MASP1: variants seen among roughly 807,000 people sequenced by gnomAD.
The protein encoded by MASP1 is MBL associated serine protease 1.
A neutral mutation model predicts 77.1 loss-of-function variants in MASP1; 59 were observed. That is an observed-to-expected ratio of 0.77 (90% CI 0.62 to 0.95). The LOEUF (loss-of-function observed/expected upper bound fraction) is 0.95, where lower values mean the gene tolerates loss of function less well. MASP1 is among the 40% of genes least tolerant of loss of function. The pLI, the probability that MASP1 is intolerant of heterozygous loss-of-function variation, is 0.00. For synonymous variants in MASP1, 362 were observed against 354.5 expected, an observed-to-expected ratio of 1.02 and a Z score of -0.24; for missense variants, 885 against 912.9, an observed-to-expected ratio of 0.97 and a Z score of 0.39.
rs1187960123 is a variant in MASP1 at position 187,234,992 on chromosome 3, C to T, written c.*692G>A. On this transcript the variant is annotated 3_prime_UTR_variant, in exon 11 of 11. Transcript: ENST00000296280. ...GTGGGCCTCCCACGGCTATTCTGCTCCCAGCAGTCAGCACAAACCTTCCCA... is the reference window on the plus strand; with the variant it reads ...GTGGGCCTCCCACGGCTATTCTGCTTCCAGCAGTCAGCACAAACCTTCCCA... The T allele has an allele frequency of 3.1e-6, 4 of 1,287,254 alleles. No homozygotes were observed. Among genetic ancestry groups the T allele is most frequent in the Admixed American group, 2.3e-5 (1 of 43,570 alleles). 79.7% of individuals were successfully genotyped at this position (1,287,254 alleles called of 1,614,324 possible). A position where few individuals can be genotyped will look rare whatever the true frequency, so the allele number is the denominator to read the frequency against.
At chr3:187,228,047 A>G (rs1712537649) in intron 11 of MASP1, among the ~76,000 whole-genome samples, 1 of 152,230 alleles carries the variant, frequency 6.6e-6, no homozygotes, top group Non-Finnish European at 1.5e-5. Flanking sequence ...AGGGCATTCC[A>G]GCTTGGCCGA....
chr3:187,226,011 C>T (rs1712405806), intron 12 of MASP1, among the ~76,000 whole-genome samples: 1 of 152,178 alleles, frequency 6.6e-6, no homozygotes, highest in East Asian at 1.9e-4. Flanking sequence ...GTCCTTAGAT[C>T]CTGGCATAAT....
At chr3:187,253,096 T>G (rs1579518946) in intron 6 of MASP1, 72 bp downstream of exon 6, 1 of 1,600,234 alleles carries the variant, frequency 6.2e-7, no homozygotes. Context: ...CCTGCACACC[T>G]CCTCCCTCAG....
At chr3:187,271,157 T>C (rs144711016) in intron 2 of MASP1, among the ~76,000 whole-genome samples, 4 of 152,324 alleles carry the variant, frequency 2.6e-5, no homozygotes, top group East Asian at 3.9e-4. Flanking sequence ...GTCTAACTTA[T>C]TATCTTTTTA....
intron 14 of MASP1, among the ~76,000 whole-genome samples, chr3:187,221,544 ACT>A (rs2108498300): frequency 6.6e-6 from 1 of 152,272 alleles, no homozygotes; most frequent in African/African-American, 2.4e-5. Context: ...TGTTTTTCAG[ACT>A]CTGAGACCCT....
intron 2 of MASP1, among the ~76,000 whole-genome samples, chr3:187,271,776 A>G (rs540012377): frequency 3.3e-5 from 5 of 152,176 alleles, no homozygotes; most frequent in Non-Finnish European, 7.4e-5. Flanking sequence ...CAGGAAGGGC[A>G]ACTTAACTAG....
At chr3:187,247,459 A>G (rs1714193287) in intron 8 of MASP1, 2 of 1,551,132 alleles carry the variant, frequency 1.3e-6, no homozygotes, top group Non-Finnish European at 1.8e-6. Context: ...AGAGAAAGAG[A>G]GAGAGATTAG....
At chr3:187,243,061 G>A (rs2108524795) in intron 9 of MASP1, 1 of 300,396 alleles carries the variant, frequency 3.3e-6, no homozygotes, top group Non-Finnish European at 6.4e-6. Flanking sequence ...GCAGAGTCTG[G>A]GTGAAGCAGT....
rs1325428197 is a variant in MASP1 at position 187,234,364 on chromosome 3, G to A, written c.*1320C>T. The A allele has an allele frequency of 1.6e-6, 2 of 1,287,156 alleles. No homozygotes were observed. Among genetic ancestry groups the A allele is most frequent in the African/African-American group, 3.0e-5 (2 of 65,806 alleles). The allele number at this position is 1,287,156 out of a possible 1,614,324, so 79.7% of individuals were successfully genotyped here. A position where few individuals can be genotyped will look rare whatever the true frequency, so the allele number is the denominator to read the frequency against. ...AAGGAGAACAATCAGCCCTGTGAGG[G>A]CCAGAGAGGCTGCTAGCAGTCAGGG... On this transcript the variant is annotated 3_prime_UTR_variant, in exon 11 of 11. Coordinates refer to ENST00000296280, the MANE Select transcript of MASP1 (RefSeq NM_139125.4).
intron 2 of MASP1, 60 bp downstream of exon 2, chr3:187,285,765 T>C (rs2108610817): frequency 7.5e-7 from 1 of 1,337,432 alleles, no homozygotes; most frequent in South Asian, 1.2e-5. Context: ...TAATTTCATA[T>C]TGCCTTGTCT....
At chr3:187,253,801 A>G (rs1194221629) in intron 5 of MASP1, among the ~76,000 whole-genome samples, 2 of 152,006 alleles carry the variant, frequency 1.3e-5, no homozygotes, top group African/African-American at 2.4e-5. Flanking sequence ...GAACACATGG[A>G]CACAGGGAGG....
In MASP1 at chr3:187,290,415, G is replaced by A. The variant is rs542737229; in HGVS notation, c.5+1213C>T. The stretch of plus-strand genomic sequence containing the variant: ...TATGGGCTGGGGCACTGAATGGTAG[G>A]GTGGGATTCAGACCAGATCATTGAC... On this transcript the variant is annotated intron_variant, in intron 1 of 10. Transcript: ENST00000296280. Among the ~76,000 whole-genome samples the A allele has an allele frequency of 3.3e-5, 5 of 152,272 alleles. No individual in the cohort carries two copies. The East Asian group carries it at 9.7e-4, about 29-fold the overall frequency.
At chr3:187,278,812 G>T (rs189464486) in intron 2 of MASP1, among the ~76,000 whole-genome samples, 2 of 151,982 alleles carry the variant, frequency 1.3e-5, no homozygotes, top group East Asian at 3.9e-4. Flanking sequence ...AGTATACTAC[G>T]CTCCACATAG....
At chr3:187,286,143 C>T in intron 1 of MASP1, 87 bp from the exon 2 acceptor site, 2 of 1,076,592 alleles carry the variant, frequency 1.9e-6, no homozygotes, top group Non-Finnish European at 2.8e-6. Flanking sequence ...AACAAGATCT[C>T]AGCATGTCTC....
downstream of MASP1, chr3:187,229,720 T>C: frequency 1.9e-6 from 3 of 1,611,168 alleles, no homozygotes; most frequent in Non-Finnish European, 2.5e-6. Flanking sequence ...AAGGAGGGGG[T>C]TCAGTTCCTT....
At chr3:187,259,814 C>T (rs1715405911) in intron 4 of MASP1, among the ~76,000 whole-genome samples, 1 of 152,284 alleles carries the variant, frequency 6.6e-6, no homozygotes, top group South Asian at 2.1e-4. Flanking sequence ...TTGTGCTCCC[C>T]CAGTGATCCC....
intron 5 of MASP1, 105 bp downstream of exon 5, chr3:187,256,559 G>T: frequency 9.8e-7 from 1 of 1,025,016 alleles, no homozygotes. Flanking sequence ...TAGCTGCTAG[G>T]CTCTCTATCC....
At position 187,236,425 on chromosome 3, in the gene MASP1, C is replaced by A. The variant is rs768885799; in HGVS notation, c.1446G>T (p.Gly482=). 6.8e-6 allele frequency: 11 copies of A among 1,614,096 alleles called. No individual in the cohort carries two copies. The Admixed American group carries it at 1.3e-4, about 20-fold the overall frequency. ...AGGACGCAGAGAGCAGGGCCCCACT[C>A]CCAAACCACTTGTCATTTGGCACTC... ...TSRVPNDKWF[G]SGALLSASWI... is the part of the protein sequence containing the mutation. Residue 482 remains glycine, a synonymous_variant, in exon 11 of 11, where the codon GGG becomes GGT. Transcript: ENST00000296280.
chr3:187,278,777 C>T (rs1687301397), intron 2 of MASP1, among the ~76,000 whole-genome samples: 2 of 152,188 alleles, frequency 1.3e-5, no homozygotes, highest in South Asian at 4.1e-4. Context: ...CCATAGCTGT[C>T]CAGGAGGCCT....
Sources: allele counts gnomAD v4.1 joint callset (sites outside exome capture counted in the v4.1 genomes callset), GRCh38; gene constraint gnomAD v4.1.1; transcripts MANE v1.5; gene names NCBI Gene and HGNC (gene_info 2026-07-23, HGNC 2026-07-21).